TENM2: variants seen among roughly 807,000 people sequenced by gnomAD.
TENM2 encodes the protein teneurin transmembrane protein 2, also known as teneurin-2.
Under a neutral mutation model 245.2 loss-of-function variants are expected in TENM2, and 52 were observed. The observed-to-expected ratio is 0.21, with a 90% CI of 0.17 to 0.27. The LOEUF is 0.27. TENM2 is among the 10% of genes least tolerant of loss of function. TENM2 has a pLI of 1.00. For missense variants in TENM2, 3,046 were observed against 3,666.8 expected (o/e 0.83, Z 4.37); for synonymous variants, 1,363 against 1,438.9 (o/e 0.95, Z 1.19).
intron 2 of TENM2, among the ~76,000 whole-genome samples, chr5:167,445,789 G>A (rs962904642): frequency 1.1e-4 from 16 of 152,106 alleles, no homozygotes; most frequent in Non-Finnish European, 2.2e-4. Context: ...CTCACTCAAT[G>A]GTGTAACTGC....
intron 2 of TENM2, among the ~76,000 whole-genome samples, chr5:167,717,456 T>C (rs1339588703): frequency 6.6e-6 from 1 of 152,172 alleles, no homozygotes; most frequent in Non-Finnish European, 1.5e-5. Flanking sequence ...CTGGGTTGTA[T>C]GTGAAAGATT....
chr5:167,129,735 C>T, the TENM2 span, among the ~76,000 whole-genome samples: 5 of 152,112 alleles, frequency 3.3e-5, no homozygotes, highest in Admixed American at 2.6e-4. Flanking sequence ...ATAGGAAAAC[C>T]GTTAAACTGT....
intron 2 of TENM2, among the ~76,000 whole-genome samples, chr5:167,736,686 G>GGA (rs764136823): frequency 1.6e-5 from 2 of 127,574 alleles, no homozygotes; most frequent in South Asian, 2.6e-4. Flanking sequence ...CCTGGCTCAG[G>GGA]AAAAAAAAAA....
At chr5:167,925,086 G>A (rs529132952) in intron 3 of TENM2, among the ~76,000 whole-genome samples, 27 of 152,238 alleles carry the variant, frequency 1.8e-4, no homozygotes, top group African/African-American at 4.8e-4. Context: ...GTTCATGGCA[G>A]GTTTGCTTCT....
chr5:167,398,691 C>T (rs1391963009), intron 2 of TENM2, among the ~76,000 whole-genome samples: 1 of 152,022 alleles, frequency 6.6e-6, no homozygotes, highest in Non-Finnish European at 1.5e-5. Context: ...CCACCTGCCT[C>T]GGCCTCCCAA....
rs538339150 is a variant in TENM2 at position 168,066,066 on chromosome 5, G to T, written c.1515+3801G>T. On this transcript the variant is annotated intron_variant, in intron 7 of 28. Coordinates refer to ENST00000518659, the Ensembl canonical transcript of TENM2. ...GTGCACAGGGAAGCCCCAGCACAAA[G>T]AATTAACATTAGCTTAAGTGCTAAT... Among the ~76,000 whole-genome samples the T allele has an allele frequency of 9.2e-5, 14 of 152,306 alleles. No homozygotes were observed. The Middle Eastern group carries it at 0.01, about 111-fold the overall frequency.
chr5:168,115,648 T>G (rs894200804), intron 9 of TENM2, among the ~76,000 whole-genome samples: 2 of 152,140 alleles, frequency 1.3e-5, no homozygotes, highest in Middle Eastern at 3.2e-3. Context: ...GAAGCTCATT[T>G]AAATACACGT....
At chr5:166,981,276 C>T in the TENM2 span, among the ~76,000 whole-genome samples, 7 of 152,038 alleles carry the variant, frequency 4.6e-5, no homozygotes, top group African/African-American at 1.7e-4. Flanking sequence ...TTCATGGGTC[C>T]CTTGAGATGG....
intron 19 of TENM2, among the ~76,000 whole-genome samples, chr5:168,206,380 G>A (rs374930136): frequency 2.6e-5 from 4 of 152,252 alleles, no homozygotes; most frequent in African/African-American, 9.6e-5. Flanking sequence ...AGCCAGGCAT[G>A]TACTGGGCTC....
At chr5:167,695,445 CCTT>C (rs772515163) in intron 2 of TENM2, among the ~76,000 whole-genome samples, 27 of 152,038 alleles carry the variant, frequency 1.8e-4, no homozygotes, top group Admixed American at 5.2e-4. Context: ...ATATAAAACT[CCTT>C]CTTAACTCTA....
At chr5:167,145,454 C>T in the TENM2 span, among the ~76,000 whole-genome samples, 1 of 152,178 alleles carries the variant, frequency 6.6e-6, no homozygotes, top group South Asian at 2.1e-4. Flanking sequence ...TTTAATCCCA[C>T]CCAACCTTCG....
At chr5:168,001,994 G>T (rs1181970381) in intron 5 of TENM2, among the ~76,000 whole-genome samples, 2 of 152,158 alleles carry the variant, frequency 1.3e-5, no homozygotes, top group African/African-American at 4.8e-5. Context: ...ACAGCACTAA[G>T]CTACATGTTG....
intron 1 of TENM2, among the ~76,000 whole-genome samples, chr5:167,335,319 A>G (rs755375020): frequency 2.0e-5 from 3 of 152,072 alleles, no homozygotes; most frequent in Non-Finnish European, 4.4e-5. Context: ...ATGGCACTAA[A>G]CCATTCATGA....
chr5:167,888,751 C>T (rs569482341), intron 3 of TENM2, among the ~76,000 whole-genome samples: 1 of 152,350 alleles, frequency 6.6e-6, no homozygotes, highest in African/African-American at 2.4e-5. Context: ...TACCAGCTCT[C>T]TCTTTTGTCA....
chr5:168,020,874 G>C (rs1027024445), intron 5 of TENM2, among the ~76,000 whole-genome samples: 1 of 152,110 alleles, frequency 6.6e-6, no homozygotes, highest in Non-Finnish European at 1.5e-5. Flanking sequence ...CAGTTTCCTT[G>C]GTTCACCCGT....
At chr5:167,832,371 C>T (rs892422224) in intron 2 of TENM2, among the ~76,000 whole-genome samples, 15 of 152,232 alleles carry the variant, frequency 9.9e-5, no homozygotes, top group African/African-American at 2.9e-4. Flanking sequence ...CAGGCCCACA[C>T]GCTTGTCTGT....
chr5:167,754,728 C>CAAAA (rs10663941), intron 2 of TENM2, among the ~76,000 whole-genome samples: 83,787 of 144,828 alleles, frequency 0.58, 26,851 homozygotes, highest in Non-Finnish European at 0.73. Flanking sequence ...AGAGATATTT[C>CAAAA]AAAAAAAAAA....
intron 7 of TENM2, among the ~76,000 whole-genome samples, chr5:168,075,976 CG>C (rs977411529): frequency 1.2e-4 from 19 of 152,086 alleles, no homozygotes; most frequent in Admixed American, 9.8e-4. Flanking sequence ...TACCTCCCAC[CG>C]TCTCCCTCCC....
At chr5:168,099,667 G>A (rs954335599) in intron 9 of TENM2, among the ~76,000 whole-genome samples, 1 of 152,140 alleles carries the variant, frequency 6.6e-6, no homozygotes, top group African/African-American at 2.4e-5. Flanking sequence ...ACTAAATAGT[G>A]CCTCTCCTTT....
Sources: allele counts gnomAD v4.1 joint callset (sites outside exome capture counted in the v4.1 genomes callset), GRCh38; gene constraint gnomAD v4.1.1; transcripts MANE v1.5; gene names NCBI Gene and HGNC (gene_info 2026-07-23, HGNC 2026-07-21).